The following BTBD9 variants were observed in gnomAD, a reference collection of about 807,000 sequenced individuals.
BTBD9 encodes the protein BTB/POZ domain-containing protein 9.
Under a neutral mutation model 64.3 loss-of-function variants are expected in BTBD9, and 49 were observed. The ratio of observed to expected loss-of-function variants is 0.76; its 90% CI spans 0.61 to 0.97. The LOEUF (loss-of-function observed/expected upper bound fraction) is 0.97. Among genes scored for constraint, BTBD9 ranks in the 50% least tolerant of loss-of-function variants. The pLI, the probability that BTBD9 is intolerant of heterozygous loss-of-function variation, is 0.00. For synonymous variants in BTBD9, 260 were observed against 274.7 expected (o/e 0.95, Z 0.53); for missense variants, 598 against 762.1 (o/e 0.78, Z 2.53).
intron 6 of BTBD9, among the ~76,000 whole-genome samples, chr6:38,470,471 T>A (rs954533014): frequency 3.9e-5 from 6 of 152,234 alleles, no homozygotes; most frequent in African/African-American, 1.4e-4. Flanking sequence ...TTGCACACAA[T>A]GTCCTGTCTG....
At chr6:38,591,239 T>C (rs1490306494) in intron 4 of BTBD9, among the ~76,000 whole-genome samples, 11 of 152,214 alleles carry the variant, frequency 7.2e-5, no homozygotes, top group Non-Finnish European at 7.4e-5. Flanking sequence ...AAAAGCCTTC[T>C]ACTCTAATCA....
intron 6 of BTBD9, among the ~76,000 whole-genome samples, chr6:38,375,925 A>AAGAAAG (rs1230474562): frequency 7.0e-6 from 1 of 143,852 alleles, no homozygotes; most frequent in Non-Finnish European, 1.5e-5. Context: ...GAAAGAAAGA[A>AAGAAAG]AGAAAGAAAG....
chr6:38,373,016 G>C (rs1401447300), intron 6 of BTBD9, among the ~76,000 whole-genome samples: 1 of 152,042 alleles, frequency 6.6e-6, no homozygotes, highest in Non-Finnish European at 1.5e-5. Flanking sequence ...TCCTTTTATT[G>C]GTTTTTCTGC....
At position 38,598,097 on chromosome 6, in the gene BTBD9, T is replaced by C; in HGVS notation, c.-3A>G. ...CGAAGAGGGTGGCTGTTACTCATCT[T>C]GTGGAATAGACGATAGTCGTTGTTC... On this transcript the variant is annotated 5_prime_UTR_variant, in exon 2 of 11. Coordinates refer to ENST00000481247, the MANE Select transcript of BTBD9 (RefSeq NM_001099272.2). 4 of 1,612,474 alleles carry C rather than the reference T, an allele frequency of 2.5e-6. No homozygotes were observed. The highest frequency in any genetic ancestry group is 3.4e-6 in the Non-Finnish European group (4 of 1,179,100).
At chr6:38,494,139 C>T (rs909881889) in intron 6 of BTBD9, among the ~76,000 whole-genome samples, 1 of 152,204 alleles carries the variant, frequency 6.6e-6, no homozygotes, top group African/African-American at 2.4e-5. Context: ...CAGCGCCCTC[C>T]AGTGGCCAAA....
At chr6:38,558,966 C>T (rs2127454951) in intron 6 of BTBD9, among the ~76,000 whole-genome samples, 1 of 152,292 alleles carries the variant, frequency 6.6e-6, no homozygotes, top group South Asian at 2.1e-4. Flanking sequence ...AGAATGGGAA[C>T]CACCAGCCCT....
At chr6:38,428,238 A>G (rs1768269203) in intron 6 of BTBD9, among the ~76,000 whole-genome samples, 1 of 151,930 alleles carries the variant, frequency 6.6e-6, no homozygotes, top group African/African-American at 2.4e-5. Context: ...TGAAGTGGTC[A>G]CTCATGCTTC....
intron 6 of BTBD9, among the ~76,000 whole-genome samples, chr6:38,508,459 C>T (rs2127408107): frequency 1.3e-5 from 2 of 152,206 alleles, no homozygotes; most frequent in East Asian, 3.9e-4. Context: ...TTGTCCACTT[C>T]TCTTCATTCC....
rs1776114810 is a variant in BTBD9, at chr6:38,577,723, T to C, written c.1035-4A>G. ...TTCAATGAAGTATGAGTAAGACCTG[T>C]GAATCAAAAGGAAAAAGCAGAAAAA... is the stretch of plus-strand genomic sequence containing the variant. On this transcript the variant is annotated splice_polypyrimidine_tract_variant and splice_region_variant and intron_variant, in intron 5 of 10. Coordinates refer to ENST00000481247, the MANE Select transcript of BTBD9 (RefSeq NM_001099272.2). 1 of 1,600,394 alleles carries C rather than the reference T, an allele frequency of 6.2e-7. No individual in the cohort carries two copies. The highest frequency in any genetic ancestry group is 8.5e-7 in the Non-Finnish European group (1 of 1,177,758).
At chr6:38,205,001 G>C (rs1362094275) in intron 9 of BTBD9, among the ~76,000 whole-genome samples, 9 of 152,164 alleles carry the variant, frequency 5.9e-5, no homozygotes. Context: ...AAATGGGTTA[G>C]AAAGTTAAGT....
chr6:38,537,982 A>G (rs1774096240), intron 6 of BTBD9, among the ~76,000 whole-genome samples: 1 of 152,232 alleles, frequency 6.6e-6, no homozygotes, highest in Non-Finnish European at 1.5e-5. Context: ...AGGTCATAAG[A>G]AAGAGCCTGC....
Position 38,594,277 on chromosome 6 carries a change from G to T in BTBD9, c.236C>A (p.Pro79His). 1 of 1,613,994 alleles carries T rather than the reference G, an allele frequency of 6.2e-7. No individual in the cohort carries two copies. Among genetic ancestry groups the T allele is most frequent in the Non-Finnish European group, 8.5e-7 (1 of 1,179,912 alleles). Reference protein sequence around the residue: ...MRESQPEAEIPLQDTTAEAFT... With the variant: ...MRESQPEAEIHLQDTTAEAFT... ...TGCTTCTGCAGTGGTGTCTTGGAGA[G>T]GAATTTCTGCTTCAGGCTGAGACTC... Residue 79 changes from proline to histidine, a missense_variant, in exon 3 of 11, where the codon CCT (proline) becomes CAT (histidine). Coordinates refer to ENST00000481247, the MANE Select transcript of BTBD9 (RefSeq NM_001099272.2).
intron 6 of BTBD9, among the ~76,000 whole-genome samples, chr6:38,385,346 C>T (rs1425355506): frequency 2.6e-5 from 4 of 151,616 alleles, no homozygotes; most frequent in South Asian, 2.1e-4. Context: ...CCTGGCACCA[C>T]ACCTGGCTAA....
At chr6:38,307,378 C>T (rs946189183) in intron 7 of BTBD9, among the ~76,000 whole-genome samples, 3 of 152,228 alleles carry the variant, frequency 2.0e-5, no homozygotes, top group Non-Finnish European at 2.9e-5. Context: ...AAGAAAATCA[C>T]TTTTCAATCA....
intron 4 of BTBD9, among the ~76,000 whole-genome samples, chr6:38,581,425 G>A (rs1582667709): frequency 6.6e-6 from 1 of 152,086 alleles, no homozygotes; most frequent in African/African-American, 2.4e-5. Flanking sequence ...TTCTGCACTT[G>A]AGAATTTTTA....
chr6:38,565,879 G>A (rs1252630264), intron 6 of BTBD9: 1 of 152,114 alleles, frequency 6.6e-6, no homozygotes, highest in East Asian at 1.9e-4. Flanking sequence ...CCCTTAATAG[G>A]GGACTGGTCA....
intron 6 of BTBD9, among the ~76,000 whole-genome samples, chr6:38,360,457 T>C (rs1433128030): frequency 1.3e-5 from 2 of 152,152 alleles, no homozygotes; most frequent in Non-Finnish European, 2.9e-5. Flanking sequence ...AAAGGTCCCC[T>C]CTTTTAATGC....
chr6:38,245,293 G>C (rs535549745), intron 9 of BTBD9, among the ~76,000 whole-genome samples: 1 of 152,340 alleles, frequency 6.6e-6, no homozygotes, highest in African/African-American at 2.4e-5. Flanking sequence ...TATGAGAGGG[G>C]ATAACACAGT....
chr6:38,186,403 T>C (rs1190927174), intron 10 of BTBD9, among the ~76,000 whole-genome samples: 1 of 152,242 alleles, frequency 6.6e-6, no homozygotes, highest in Non-Finnish European at 1.5e-5. Context: ...AGATATCTGG[T>C]GCACATACTT....
Sources: gnomAD v4.1 joint callset for allele counts (sites outside exome capture counted in the v4.1 genomes callset) on GRCh38, gnomAD v4.1.1 for gene constraint, MANE v1.5 for transcripts, NCBI Gene and HGNC (gene_info 2026-07-23, HGNC 2026-07-21) for gene names.